Variants in TMEM225B observed in about 807,000 individuals in gnomAD.
The protein encoded by TMEM225B is transmembrane protein 225B, also known as transmembrane protein 225-like.
TMEM225B carries 10 observed loss-of-function variants against 16.9 expected under a neutral mutation model. The ratio of observed to expected loss-of-function variants is 0.59; its 90% CI spans 0.36 to 1.00. The LOEUF is 1.00. Ranked by LOEUF, TMEM225B falls within the 50% of genes least tolerant of loss-of-function variation. The probability of loss-of-function intolerance (pLI) is 0.01; values close to 1 mark genes in which losing one functional copy is unlikely to be tolerated. For missense variants in TMEM225B, 217 were observed against 267.0 expected (o/e 0.81, Z 1.30); for synonymous variants, 92 against 109.8 (o/e 0.84, Z 1.01).
chr7:99,608,858 T>TATATATATATATATATATATATAC (rs536627768), intron 5 of TMEM225B, among the ~76,000 whole-genome samples: 37 of 144,428 alleles, frequency 2.6e-4, no homozygotes, highest in Middle Eastern at 7.0e-3. Context: ...TATATATATA[T>TATATATATATATATATATATATAC]ACACACACAC....
intron 5 of TMEM225B, 27 bp from the exon 6 acceptor site, chr7:99,610,366 C>A: frequency 1.3e-6 from 2 of 1,531,582 alleles, no homozygotes; most frequent in South Asian, 1.2e-5. Flanking sequence ...TTTCTCTGAC[C>A]TGACCCAAAC....
chr7:99,604,322 C>T, intron 2 of TMEM225B, 64 bp from the exon 3 acceptor site: 1 of 1,068,948 alleles, frequency 9.4e-7, no homozygotes, highest in Non-Finnish European at 1.4e-6. Context: ...TGTCTCCTTC[C>T]CTCTGTGCTG....
intron 3 of TMEM225B, among the ~76,000 whole-genome samples, chr7:99,604,997 A>AAACAACAACAACAAC (rs143208811): frequency 7.2e-6 from 1 of 138,340 alleles, no homozygotes; most frequent in East Asian, 3.6e-4. Context: ...CCCTGTCTCA[A>AAACAACAACAACAAC]AACAACAACA....
chr7:99,603,550 G>C (rs1805529962), intron 2 of TMEM225B, among the ~76,000 whole-genome samples: 1 of 151,992 alleles, frequency 6.6e-6, no homozygotes, highest in African/African-American at 2.4e-5. Context: ...AAATTAGCTG[G>C]GCGTGGTGGC....
At position 99,600,338 on chromosome 7, in the gene TMEM225B, G is replaced by A. The variant is rs568038914; in HGVS notation, c.-4+53G>A. ...GGAGTGGCTGGGAGGGCTGCGTGGA[G>A]TGGACAGCACCAAGCTGCACTTTTC... On this transcript the variant is annotated intron_variant, in intron 2 of 5. Transcript: ENST00000431679. 95 of 702,342 alleles carry A rather than the reference G, an allele frequency of 1.4e-4. No individual in the cohort carries two copies. In the African/African-American group the frequency reaches 1.5e-3, roughly 11 times the overall value. 43.5% of individuals were successfully genotyped at this position (702,342 alleles called of 1,614,324 possible). A position where few individuals can be genotyped will look rare whatever the true frequency, so the allele number is the denominator to read the frequency against.
At chr7:99,599,283 C>A (rs965500100) in intron 1 of TMEM225B, among the ~76,000 whole-genome samples, 3 of 152,078 alleles carry the variant, frequency 2.0e-5, no homozygotes, top group Non-Finnish European at 4.4e-5. Context: ...CCCATGGGTC[C>A]TTTAAAAAAT....
chr7:99,602,287 C>G (rs1455754911), intron 2 of TMEM225B, among the ~76,000 whole-genome samples: 1 of 152,226 alleles, frequency 6.6e-6, no homozygotes, highest in Non-Finnish European at 1.5e-5. Context: ...CTGCCAGGCT[C>G]AGCACAGACA....
rs1209127540 is a variant in TMEM225B at position 99,606,808 on chromosome 7, C to T, written c.269C>T (p.Thr90Ile). The T allele has an allele frequency of 9.1e-6, 14 of 1,535,990 alleles. No homozygotes were observed. The highest frequency in any genetic ancestry group is 2.0e-5 in the Admixed American group (1 of 50,974). ...LSAVFLAFVT[T>I]FIMMPFASEF... ...GCAGTTTTCTTGGCTTTCGTCACCA[C>T]CTTCATCATGATGCCCTTTGCATCC... Residue 90 changes from threonine (T) to isoleucine (I), a missense_variant, in exon 4 of 6, where the codon ACC (threonine) becomes ATC (isoleucine). Transcript: ENST00000431679.
At chr7:99,607,614 T>G in intron 4 of TMEM225B, 59 bp from the exon 5 acceptor site, 2 of 1,483,696 alleles carry the variant, frequency 1.3e-6, no homozygotes, top group Non-Finnish European at 1.8e-6. Flanking sequence ...GGGGTGAAGT[T>G]TGGAGGGAAG....
chr7:99,610,370 C>G (rs1438783672), intron 5 of TMEM225B, 23 bp from the exon 6 acceptor site: 3 of 1,532,512 alleles, frequency 2.0e-6, no homozygotes, highest in East Asian at 4.9e-5. Context: ...TCTGACCTGA[C>G]CCAAACGTTG....
Position 99,606,833 on chromosome 7 carries a change from C to T in TMEM225B, c.294C>T (p.Ser98=), listed in dbSNP as rs1053143028. 2.6e-6 allele frequency: 4 copies of T among 1,536,096 alleles called. No homozygotes were observed. Among genetic ancestry groups the T allele is most frequent in the Middle Eastern group, 1.7e-4 (1 of 5,990 alleles). The part of the protein sequence containing the change: ...VTTFIMMPFA[S]EFFPRTWKQN... ...CCTTCATCATGATGCCCTTTGCATC[C>T]GAGTTCTTCCCGAGGACCTGGAAGC... The change falls in exon 4 of 6, where the codon TCC becomes TCT. Residue 98 remains serine, a synonymous_variant. Coordinates refer to ENST00000431679, the MANE Select transcript of TMEM225B (RefSeq NM_001195541.3).
At chr7:99,604,628 A>G (rs1341546419) in intron 3 of TMEM225B, 32 bp downstream of exon 3, 2 of 1,496,098 alleles carry the variant, frequency 1.3e-6, no homozygotes, top group African/African-American at 2.8e-5. Context: ...GAGGAGAGAG[A>G]GGGAGATGGG....
chr7:99,610,788 T>C lies in TMEM225B; in HGVS notation c.*223T>C, dbSNP rs1215343097. ...CTTCTGAGCTTCCTAAGTGACGTTT[T>C]TGCAGGTATTTTCAATAAAAAGAAG... is the stretch of plus-strand genomic sequence containing the variant. On this transcript the variant is annotated 3_prime_UTR_variant, in exon 6 of 6. Transcript: ENST00000431679. 4.7e-6 allele frequency: 2 copies of C among 425,664 alleles called. No homozygotes were observed. The highest frequency in any genetic ancestry group is 6.9e-5 in the East Asian group (2 of 28,834). 26.4% of individuals were successfully genotyped at this position (425,664 alleles called of 1,614,324 possible).
intron 2 of TMEM225B, among the ~76,000 whole-genome samples, chr7:99,602,730 A>G (rs1267536471): frequency 1.3e-5 from 2 of 152,100 alleles, no homozygotes; most frequent in Non-Finnish European, 2.9e-5. Context: ...TTATTCTTTC[A>G]GAGACAAGGT....
chr7:99,608,732 TATACACAC>T (rs759011323), intron 5 of TMEM225B, among the ~76,000 whole-genome samples: 7,107 of 125,398 alleles, frequency 0.057, 219 homozygotes, highest in African/African-American at 0.11. Flanking sequence ...TATATATATA[TATACACAC>T]ACACACACAC....
In TMEM225B at chr7:99,610,449, TC is replaced by T; in HGVS notation, c.553del (p.Gln185ArgfsTer31). ...CCCTTGCTGGCACTTGTTGTCCACT[TC>T]CCAGAGTATGGAGGAGGACCACGGG... ...VCPCWHLLST[S>X]QSMEEDHGSL... On this transcript the variant is annotated frameshift_variant, in exon 6 of 6. Transcript: ENST00000431679. LOFTEE classifies it low-confidence loss of function (END_TRUNC). 1 of 1,536,132 alleles carries T rather than the reference TC, an allele frequency of 6.5e-7. No homozygotes were observed. The highest frequency in any genetic ancestry group is 1.4e-5 in the African/African-American group (1 of 73,168).
rs72285430 is a variant in TMEM225B at position 99,608,839 on chromosome 7, G to GTATATATATATATATATATATA, written c.493+1049_493+1050insTATATATATATATATATATATA. On this transcript the variant is annotated intron_variant, in intron 5 of 5. Coordinates refer to ENST00000431679, the MANE Select transcript of TMEM225B (RefSeq NM_001195541.3). The stretch of plus-strand genomic sequence containing the variant: ...CATACATATATGTGTGTGTGTGCAC[G>GTATATATATATATATATATATA]TATATATATATATATATATACACAC... 2.9e-3 allele frequency among the ~76,000 whole-genome samples: 381 copies of GTATATATATATATATATATATA among 132,440 alleles called. 2 individuals are homozygous for GTATATATATATATATATATATA. The highest frequency in any genetic ancestry group is 6.5e-3 in the South Asian group (28 of 4,316). 86.9% of individuals were successfully genotyped at this position (132,440 alleles called of 152,430 possible).
Position 99,608,858 on chromosome 7 carries a change from T to TATATATATATATATATATACACAC in TMEM225B, c.493+1049_493+1050insTATATATATATATATATACACACA, listed in dbSNP as rs536627768. ...GTGCACGTATATATATATATATATA[T>TATATATATATATATATATACACAC]ACACACACACATATATGTGTATATA... On this transcript the variant is annotated intron_variant, in intron 5 of 5. Coordinates refer to ENST00000431679, the MANE Select transcript of TMEM225B (RefSeq NM_001195541.3). Among the ~76,000 whole-genome samples the TATATATATATATATATATACACAC allele has an allele frequency of 5.6e-3, 803 of 144,310 alleles. 19 individuals carry two copies. The highest frequency in any genetic ancestry group is 0.022 in the African/African-American group (773 of 35,538). The allele number at this position is 144,310 out of a possible 152,430, so 94.7% of individuals were successfully genotyped here.
intron 2 of TMEM225B, 58 bp downstream of exon 2, chr7:99,600,343 C>G (rs1805254034): frequency 1.4e-6 from 1 of 701,520 alleles, no homozygotes; most frequent in Non-Finnish European, 2.6e-6. Flanking sequence ...GTGGAGTGGA[C>G]AGCACCAAGC....
Sources: gnomAD v4.1 joint callset for allele counts (sites outside exome capture counted in the v4.1 genomes callset) on GRCh38, gnomAD v4.1.1 for gene constraint, MANE v1.5 for transcripts, NCBI Gene and HGNC (gene_info 2026-07-23, HGNC 2026-07-21) for gene names.